GARNL3: variants seen among roughly 807,000 people sequenced by gnomAD.
GARNL3 encodes GTPase activating Rap/RanGAP domain like 3, also known as GTPase-activating Rap/Ran-GAP domain-like protein 3.
Under a neutral mutation model 125.0 loss-of-function variants are expected in GARNL3, and 63 were observed. That is an observed-to-expected ratio of 0.50 (90% CI 0.41 to 0.62). The LOEUF (loss-of-function observed/expected upper bound fraction) is 0.62. Ranked by LOEUF, GARNL3 falls within the 20% of genes least tolerant of loss-of-function variation. The probability of loss-of-function intolerance (pLI) is 0.00; values close to 1 mark genes in which losing one functional copy is unlikely to be tolerated. For missense variants in GARNL3, 994 were observed against 1,244.0 expected (o/e 0.80, Z 3.02); for synonymous variants, 439 against 457.5 (o/e 0.96, Z 0.52).
At chr9:127,382,765 T>G (rs1054601293) in intron 22 of GARNL3, among the ~76,000 whole-genome samples, 1 of 152,150 alleles carries the variant, frequency 6.6e-6, no homozygotes, top group Non-Finnish European at 1.5e-5. Context: ...ACAATGTACT[T>G]GAATGAACCT....
At chr9:127,278,389 G>A (rs754735252) in intron 1 of GARNL3, among the ~76,000 whole-genome samples, 9 of 151,940 alleles carry the variant, frequency 5.9e-5, no homozygotes, top group East Asian at 1.9e-4. Context: ...CTCTTTTTTC[G>A]TCTTCATGTG....
At chr9:127,238,785 TC>T (rs2063155217) in intron 1 of GARNL3, among the ~76,000 whole-genome samples, 2 of 152,196 alleles carry the variant, frequency 1.3e-5, no homozygotes, top group African/African-American at 4.8e-5. Flanking sequence ...TGATCTGTAC[TC>T]CTCATCTGTC....
At chr9:127,273,850 C>T (rs1385728348) in intron 1 of GARNL3, among the ~76,000 whole-genome samples, 1 of 152,134 alleles carries the variant, frequency 6.6e-6, no homozygotes, top group Non-Finnish European at 1.5e-5. Context: ...AATGAAAGGG[C>T]TTTTCCTCTT....
chr9:127,363,762 C>T (rs1271707695), intron 21 of GARNL3: 2 of 152,238 alleles, frequency 1.3e-5, no homozygotes, highest in Non-Finnish European at 2.9e-5. Context: ...GAGGCTGCTG[C>T]TGGACTTGGG....
At chr9:127,267,917 A>G (rs950947954) in intron 1 of GARNL3, among the ~76,000 whole-genome samples, 8 of 152,222 alleles carry the variant, frequency 5.3e-5, no homozygotes, top group African/African-American at 1.9e-4. Context: ...ACAAGTCACA[A>G]GTCTTGTGAA....
intron 1 of GARNL3, among the ~76,000 whole-genome samples, chr9:127,287,194 T>C (rs532455284): frequency 6.6e-6 from 1 of 152,298 alleles, no homozygotes; most frequent in African/African-American, 2.4e-5. Context: ...GATTCTGCAC[T>C]GTGACAAATG....
At chr9:127,312,957 A>C (rs1180387803) in intron 3 of GARNL3, among the ~76,000 whole-genome samples, 1 of 152,164 alleles carries the variant, frequency 6.6e-6, no homozygotes, top group African/African-American at 2.4e-5. Flanking sequence ...TATAACAAAA[A>C]ACCCAGAGGC....
At chr9:127,363,463 A>C (rs141691123) in intron 21 of GARNL3, 1 of 152,398 alleles carries the variant, frequency 6.6e-6, no homozygotes, top group African/African-American at 2.4e-5. Flanking sequence ...AGAGCTGGGG[A>C]TTCCATTGGA....
intron 2 of GARNL3, among the ~76,000 whole-genome samples, chr9:127,245,165 G>A (rs916887605): frequency 1.3e-5 from 2 of 152,246 alleles, no homozygotes; most frequent in African/African-American, 4.8e-5. Context: ...ACCCGCAGTG[G>A]AGCTGGCCCG....
At chr9:127,315,292 C>A (rs1023081702) in intron 4 of GARNL3, among the ~76,000 whole-genome samples, 2 of 152,096 alleles carry the variant, frequency 1.3e-5, no homozygotes, top group African/African-American at 4.8e-5. Context: ...TGTGATTCAA[C>A]CCTCGCTCTC....
intron 2 of GARNL3, among the ~76,000 whole-genome samples, chr9:127,250,130 GA>G (rs2063374639): frequency 1.3e-5 from 2 of 152,238 alleles, no homozygotes; most frequent in South Asian, 4.1e-4. Flanking sequence ...AAAAAAAGGG[GA>G]AAGGGGAAGA....
intron 1 of GARNL3, among the ~76,000 whole-genome samples, chr9:127,284,749 A>G (rs899176022): frequency 6.6e-6 from 1 of 151,172 alleles, no homozygotes; most frequent in Non-Finnish European, 1.5e-5. Context: ...AAGAATTTAT[A>G]TAAATATATG....
upstream of GARNL3, among the ~76,000 whole-genome samples, chr9:127,262,695 AG>A (rs1290287465): frequency 6.6e-6 from 1 of 152,256 alleles, no homozygotes; most frequent in Non-Finnish European, 1.5e-5. Flanking sequence ...GGCAGTGGGC[AG>A]CCTGCCCTGG....
intron 6 of GARNL3, among the ~76,000 whole-genome samples, chr9:127,323,879 T>C (rs1431238237): frequency 3.9e-5 from 6 of 152,182 alleles, no homozygotes; most frequent in African/African-American, 9.7e-5. Flanking sequence ...AATTTTGTAA[T>C]GACATACACA....
At chr9:127,363,044 G>C (rs891264007) in intron 21 of GARNL3, 1 of 152,324 alleles carries the variant, frequency 6.6e-6, no homozygotes, top group Non-Finnish European at 1.5e-5. Context: ...CCCTGATCTG[G>C]ATGATGAGGG....
At chr9:127,228,405 A>G (rs1425268079) in intron 1 of GARNL3, among the ~76,000 whole-genome samples, 2 of 152,214 alleles carry the variant, frequency 1.3e-5, no homozygotes, top group Non-Finnish European at 2.9e-5. Context: ...AGTTGCACCA[A>G]TTTATAGTCC....
rs1211128041 is a variant in GARNL3 at position 127,266,242 on chromosome 9, G to A, written c.144+1221G>A. Among the ~76,000 whole-genome samples the A allele has an allele frequency of 6.6e-6, 1 of 152,168 alleles. No homozygotes were observed. Among genetic ancestry groups the A allele is most frequent in the African/African-American group, 2.4e-5 (1 of 41,420 alleles). On this transcript the variant is annotated intron_variant, in intron 1 of 27. Transcript: ENST00000373387. This position sits in a 1 kb window ranked among gnomAD's most constrained non-coding sequence, Gnocchi z 4.0. ...ACCACGGGGGTTCAGAGAAGGAAGG[G>A]ATCACCCATTCTGGCCAGGGGTCTC...
At chr9:127,245,763 T>C (rs1450082898) in intron 2 of GARNL3, among the ~76,000 whole-genome samples, 2 of 152,212 alleles carry the variant, frequency 1.3e-5, no homozygotes, top group African/African-American at 2.4e-5. Context: ...ATGAGATAGG[T>C]GCTGTTATCT....
chr9:127,342,807 C>T (rs1353566169), intron 14 of GARNL3, among the ~76,000 whole-genome samples: 4 of 151,936 alleles, frequency 2.6e-5, no homozygotes, highest in Admixed American at 6.6e-5. Context: ...TTACTGAAGA[C>T]CCAGACACTT....
Sources: allele counts gnomAD v4.1 joint callset (sites outside exome capture counted in the v4.1 genomes callset), GRCh38; gene constraint gnomAD v4.1.1; non-coding constraint Gnocchi (gnomAD v3.1); transcripts MANE v1.5; gene names NCBI Gene and HGNC (gene_info 2026-07-23, HGNC 2026-07-21).